The following PTPRZ1 variants were observed in gnomAD, a reference collection of about 807,000 sequenced individuals.
PTPRZ1 encodes the protein receptor-type tyrosine-protein phosphatase zeta.
Under a neutral mutation model 214.1 loss-of-function variants are expected in PTPRZ1, and 82 were observed. That is an observed-to-expected ratio of 0.38 (90% confidence interval 0.32 to 0.46). PTPRZ1 has a LOEUF of 0.46. Among genes scored for constraint, PTPRZ1 ranks in the 20% least tolerant of loss-of-function variants. PTPRZ1 has a pLI of 1.00. For synonymous variants in PTPRZ1, 945 were observed against 987.9 expected, an observed-to-expected ratio of 0.96 and a Z score of 0.81; for missense variants, 2,603 against 2,748.7, an observed-to-expected ratio of 0.95 and a Z score of 1.19.
At chr7:122,030,029 T>A (rs762567047) in intron 14 of PTPRZ1, among the ~76,000 whole-genome samples, 1 of 151,938 alleles carries the variant, frequency 6.6e-6, no homozygotes, top group Non-Finnish European at 1.5e-5. Flanking sequence ...GCATACCCCA[T>A]CAGCATGGGT....
intron 15 of PTPRZ1, among the ~76,000 whole-genome samples, chr7:122,032,362 T>G (rs1372640638): frequency 6.6e-6 from 1 of 152,208 alleles, no homozygotes; most frequent in Non-Finnish European, 1.5e-5. Flanking sequence ...TCATAGAATT[T>G]AATTAACAAC....
chr7:122,048,282 C>G (rs1315662735), intron 23 of PTPRZ1, among the ~76,000 whole-genome samples: 4 of 151,578 alleles, frequency 2.6e-5, no homozygotes, highest in African/African-American at 7.3e-5. Flanking sequence ...CAGGTTCTAT[C>G]AAAAGACTAT....
chr7:121,889,516 A>G (rs1238484957), intron 1 of PTPRZ1, among the ~76,000 whole-genome samples: 1 of 152,188 alleles, frequency 6.6e-6, no homozygotes, highest in Non-Finnish European at 1.5e-5. Flanking sequence ...AGCTTAGCAT[A>G]TGATAAGTTA....
intron 6 of PTPRZ1, among the ~76,000 whole-genome samples, chr7:121,978,177 A>T (rs1797499478): frequency 6.6e-6 from 1 of 152,182 alleles, no homozygotes; most frequent in Admixed American, 6.5e-5. Context: ...ATACACTGTG[A>T]CTACATATTC....
At chr7:122,024,589 C>G (rs1328911802) in intron 13 of PTPRZ1, among the ~76,000 whole-genome samples, 1 of 151,824 alleles carries the variant, frequency 6.6e-6, no homozygotes, top group Non-Finnish European at 1.5e-5. Context: ...TTAGCCTATA[C>G]TATTTTAATT....
At chr7:121,935,240 C>A (rs916599590) in intron 2 of PTPRZ1, among the ~76,000 whole-genome samples, 5 of 152,092 alleles carry the variant, frequency 3.3e-5, no homozygotes, top group African/African-American at 1.2e-4. Context: ...GCTAGTAAAA[C>A]TAAATGCTAA....
intron 25 of PTPRZ1, among the ~76,000 whole-genome samples, chr7:122,052,203 T>C (rs1462544593): frequency 2.0e-5 from 3 of 152,142 alleles, no homozygotes; most frequent in South Asian, 2.1e-4. Flanking sequence ...TGAGTAGATA[T>C]AAAACTTATA....
rs1199089943 is a variant in PTPRZ1, at chr7:122,012,306, A to G, written c.3260A>G (p.Glu1087Gly). 1 of 1,614,182 alleles carries G rather than the reference A, an allele frequency of 6.2e-7. No homozygotes were observed. The highest frequency in any genetic ancestry group is 1.1e-5 in the South Asian group (1 of 91,072). Residue 1087 changes from glutamate to glycine, a missense_variant, in exon 12 of 30, where the codon GAA (glutamate) becomes GGA (glycine). Glu to Gly is a moderately conservative substitution (Grantham distance 98). Transcript: ENST00000393386. ...AATAAGTTGAATGCGTCTTTACAAGAAACCTCTGTTTCCATTTCTAGCACC... is the reference window on the plus strand; with the variant it reads ...AATAAGTTGAATGCGTCTTTACAAGGAACCTCTGTTTCCATTTCTAGCACC... ...NVNKLNASLQ[E>G]TSVSISSTKG...
At chr7:121,901,126 T>C (rs1364545523) in intron 1 of PTPRZ1, among the ~76,000 whole-genome samples, 2 of 152,144 alleles carry the variant, frequency 1.3e-5, no homozygotes, top group East Asian at 3.8e-4. Context: ...ACACCATGAA[T>C]GCCCTTAGAT....
chr7:121,969,847 A>C (rs182513314), intron 3 of PTPRZ1, among the ~76,000 whole-genome samples: 1,648 of 151,858 alleles, frequency 0.011, 25 homozygotes, highest in African/African-American at 0.037. Context: ...ACATGTGCAC[A>C]ACATGCAGGT....
intron 6 of PTPRZ1, among the ~76,000 whole-genome samples, chr7:121,978,726 C>T (rs1477402139): frequency 6.6e-6 from 1 of 152,174 alleles, no homozygotes; most frequent in Non-Finnish European, 1.5e-5. Flanking sequence ...GCACCAACTT[C>T]CTCATTTACC....
intron 12 of PTPRZ1, among the ~76,000 whole-genome samples, chr7:122,016,056 G>C (rs1186115842): frequency 6.6e-6 from 1 of 151,922 alleles, no homozygotes; most frequent in South Asian, 2.1e-4. Flanking sequence ...TTTACAGGAT[G>C]TGTTCTTTAA....
chr7:121,965,000 T>C (rs912984465), intron 2 of PTPRZ1, among the ~76,000 whole-genome samples: 8 of 152,172 alleles, frequency 5.3e-5, no homozygotes, highest in African/African-American at 1.4e-4. Flanking sequence ...AAGGAGCTCA[T>C]GTTTTATTTT....
At chr7:121,981,942 T>C (rs1388975856) in intron 6 of PTPRZ1, among the ~76,000 whole-genome samples, 2 of 152,180 alleles carry the variant, frequency 1.3e-5, no homozygotes, top group Non-Finnish European at 2.9e-5. Flanking sequence ...ATAAGTAATA[T>C]TTTTTGTGTG....
intron 1 of PTPRZ1, among the ~76,000 whole-genome samples, chr7:121,886,460 T>G (rs1794399897): frequency 8.3e-6 from 1 of 119,794 alleles, no homozygotes; most frequent in African/African-American, 3.6e-5. Context: ...CTCTATTAAA[T>G]GTAACACACA....
intron 11 of PTPRZ1, 145 bp from the exon 12 acceptor site, chr7:122,010,189 A>T: frequency 1.4e-6 from 1 of 719,624 alleles, no homozygotes; most frequent in Non-Finnish European, 2.2e-6. Context: ...GTTGTAGGTT[A>T]GAGGTATGCA....
chr7:121,926,331 A>T (rs1483079271), intron 1 of PTPRZ1, among the ~76,000 whole-genome samples: 1 of 151,260 alleles, frequency 6.6e-6, no homozygotes, highest in Non-Finnish European at 1.5e-5. Context: ...TACAATTACA[A>T]TATTCTTAAA....
intron 25 of PTPRZ1, among the ~76,000 whole-genome samples, chr7:122,053,509 A>T (rs151000942): frequency 6.6e-6 from 1 of 152,328 alleles, no homozygotes; most frequent in East Asian, 1.9e-4. Flanking sequence ...AGTCCAACTT[A>T]TATTTAAAAG....
At chr7:121,988,892 A>T (rs1797850498) in intron 8 of PTPRZ1, among the ~76,000 whole-genome samples, 1 of 152,222 alleles carries the variant, frequency 6.6e-6, no homozygotes, top group Admixed American at 6.5e-5. Context: ...AATACAGTAC[A>T]GTAGGATTAG....
Sources: gnomAD v4.1 joint callset for allele counts (sites outside exome capture counted in the v4.1 genomes callset) on GRCh38, gnomAD v4.1.1 for gene constraint, MANE v1.5 for transcripts, NCBI Gene and HGNC (gene_info 2026-07-23, HGNC 2026-07-21) for gene names.